ANKRD26: variants seen among roughly 807,000 people sequenced by gnomAD.
The protein encoded by ANKRD26 is ankyrin repeat domain-containing protein 26.
ANKRD26 carries 141 observed loss-of-function variants against 208.7 expected under a neutral mutation model. The observed-to-expected ratio is 0.68, with a 90% CI of 0.59 to 0.78. ANKRD26 has a LOEUF of 0.78. ANKRD26 is among the 30% of genes least tolerant of loss of function. The pLI, the probability that ANKRD26 is intolerant of heterozygous loss-of-function variation, is 0.00. For missense variants in ANKRD26, 1,889 were observed against 1,938.7 expected (o/e 0.97, Z 0.48); for synonymous variants, 636 against 660.4 (o/e 0.96, Z 0.57).
chr10:27,099,033 C>T (rs776546387), intron 1 of ANKRD26, among the ~76,000 whole-genome samples: 8 of 152,138 alleles, frequency 5.3e-5, no homozygotes, highest in Non-Finnish European at 8.8e-5. Flanking sequence ...TCTTGTTGCC[C>T]AGGCTGGAGT....
At chr10:26,998,760 A>G (rs1386370587) in intron 4 of ANKRD26, among the ~76,000 whole-genome samples, 1 of 152,122 alleles carries the variant, frequency 6.6e-6, no homozygotes, top group Non-Finnish European at 1.5e-5. Flanking sequence ...CATCTTCCAG[A>G]TGAGAGGGTG....
At chr10:27,071,708 G>A (rs1039168965) in intron 9 of ANKRD26, among the ~76,000 whole-genome samples, 5 of 152,150 alleles carry the variant, frequency 3.3e-5, no homozygotes, top group South Asian at 2.1e-4. Flanking sequence ...CAGTGTACAC[G>A]ATGAACCAGG....
chr10:27,083,453 G>T (rs1241190803), intron 5 of ANKRD26, among the ~76,000 whole-genome samples: 1 of 152,118 alleles, frequency 6.6e-6, no homozygotes, highest in Non-Finnish European at 1.5e-5. Flanking sequence ...GCCAGGTATG[G>T]TGCCTCATGC....
At chr10:26,992,568 C>G (rs1370926738) in intron 5 of ANKRD26, among the ~76,000 whole-genome samples, 2 of 151,710 alleles carry the variant, frequency 1.3e-5, no homozygotes, top group South Asian at 2.1e-4. Flanking sequence ...AACCTAGAAG[C>G]TGGTTCAGGC....
chr10:27,001,136 A>G (rs141483880), downstream of ANKRD26, among the ~76,000 whole-genome samples: 743 of 152,318 alleles, frequency 4.9e-3, 9 homozygotes, highest in African/African-American at 0.017. Context: ...CATGTTGATT[A>G]TAAATGGTAT....
chr10:26,965,889 A>G, the ANKRD26 span, among the ~76,000 whole-genome samples: 5 of 152,178 alleles, frequency 3.3e-5, no homozygotes, highest in Non-Finnish European at 7.4e-5. Context: ...AAAAAACTCA[A>G]CATCACTGAC....
chr10:27,072,553 A>G (rs2055541917), intron 9 of ANKRD26, among the ~76,000 whole-genome samples: 1 of 152,110 alleles, frequency 6.6e-6, no homozygotes, highest in Non-Finnish European at 1.5e-5. Flanking sequence ...GGCCCCAACC[A>G]TTGTCTGAGA....
intron 15 of ANKRD26, among the ~76,000 whole-genome samples, chr10:27,059,922 G>A (rs566768143): frequency 2.7e-4 from 41 of 150,924 alleles, no homozygotes; most frequent in African/African-American, 9.7e-4. Context: ...ACAAAAAGCC[G>A]GGCATGGTGG....
chr10:27,056,287 C>G (rs1278715734), intron 15 of ANKRD26, among the ~76,000 whole-genome samples: 5 of 152,004 alleles, frequency 3.3e-5, no homozygotes, highest in African/African-American at 4.8e-5. Flanking sequence ...AAGTGATTCT[C>G]CTGCCTCAGC....
intron 5 of ANKRD26, among the ~76,000 whole-genome samples, chr10:27,085,607 T>G (rs1470385220): frequency 3.3e-5 from 5 of 152,244 alleles, no homozygotes; most frequent in Non-Finnish European, 7.3e-5. Flanking sequence ...GGCTAAGTTC[T>G]GCAGTTCTTA....
At chr10:27,020,794 G>A (rs2053460316) in intron 29 of ANKRD26, among the ~76,000 whole-genome samples, 1 of 152,094 alleles carries the variant, frequency 6.6e-6, no homozygotes, top group Non-Finnish European at 1.5e-5. Context: ...GAGTAGCTGG[G>A]ACTACAGGCG....
intron 32 of ANKRD26, among the ~76,000 whole-genome samples, chr10:27,010,884 A>G (rs1409789158): frequency 6.6e-6 from 1 of 152,202 alleles, no homozygotes; most frequent in African/African-American, 2.4e-5. Context: ...TTAGACCCTG[A>G]TCATCTCATT....
intron 27 of ANKRD26, among the ~76,000 whole-genome samples, chr10:27,025,140 AC>A (rs2053617566): frequency 1.3e-5 from 2 of 150,112 alleles, no homozygotes; most frequent in African/African-American, 4.9e-5. Context: ...TTTTTAATCA[AC>A]CTGTTTTTCC....
In ANKRD26 at chr10:27,060,367, C is replaced by T; in HGVS notation, c.1542G>A (p.Lys514=). The change falls in exon 15 of 34, where the codon AAG becomes AAA. Residue 514 remains lysine (K), a synonymous_variant. Transcript: ENST00000376087. ...TACCTGCTTTGGATGTTTGTACATC[C>T]TTCATTCCTCCTGCTTTATTTGGAA... The part of the protein sequence containing the change: ...DSVPNKAGGM[K]DVQTSKAAEH... 1 of 1,612,480 alleles carries T rather than the reference C, an allele frequency of 6.2e-7. No homozygotes were observed. The highest frequency in any genetic ancestry group is 8.5e-7 in the Non-Finnish European group (1 of 1,178,730).
chr10:27,090,271 C>A lies in ANKRD26; in HGVS notation c.638+2135G>T, dbSNP rs192019558. On this transcript the variant is annotated intron_variant, in intron 4 of 33. Coordinates refer to ENST00000376087, the MANE Select transcript of ANKRD26 (RefSeq NM_014915.3). ...GACCAGCCTGGCCAACACAGTGAAA[C>A]CCCATCTCTACTAAAAATACAAAAA... 1.6e-3 allele frequency among the ~76,000 whole-genome samples: 236 copies of A among 152,106 alleles called. 1 individual carries two copies. The highest frequency in any genetic ancestry group is 5.3e-3 in the African/African-American group (220 of 41,496).
intron 4 of ANKRD26, among the ~76,000 whole-genome samples, chr10:27,091,771 G>A (rs980281392): frequency 2.0e-5 from 3 of 152,104 alleles, no homozygotes; most frequent in African/African-American, 2.4e-5. Flanking sequence ...GGTGGATCAC[G>A]AGGTCAGGAG....
intron 20 of ANKRD26, 25 bp downstream of exon 20, chr10:27,043,401 C>G: frequency 1.2e-6 from 2 of 1,611,026 alleles, no homozygotes; most frequent in Non-Finnish European, 1.7e-6. Context: ...CATAAAAAGG[C>G]CTTAAATTTA....
At chr10:27,086,403 G>T in intron 5 of ANKRD26, 136 bp downstream of exon 5, 2 of 1,120,850 alleles carry the variant, frequency 1.8e-6, no homozygotes, top group Non-Finnish European at 2.4e-6. Flanking sequence ...AGATTACCAA[G>T]AGAAATTAAG....
At chr10:27,089,509 C>A (rs559193099) in intron 4 of ANKRD26, among the ~76,000 whole-genome samples, 88 of 152,306 alleles carry the variant, frequency 5.8e-4, no homozygotes, top group African/African-American at 2.0e-3. Context: ...ATTCTATACC[C>A]GGTTGGACAC....
Sources: allele counts gnomAD v4.1 joint callset (sites outside exome capture counted in the v4.1 genomes callset), GRCh38; gene constraint gnomAD v4.1.1; transcripts MANE v1.5; gene names NCBI Gene and HGNC (gene_info 2026-07-23, HGNC 2026-07-21).